Variants in GNPTAB observed in about 807,000 individuals in gnomAD.
The protein encoded by GNPTAB is N-acetylglucosamine-1-phosphate transferase subunits alpha and beta, also known as N-acetylglucosamine-1-phosphotransferase subunits alpha/beta.
A neutral mutation model predicts 136.6 loss-of-function variants in GNPTAB; 92 were observed. The ratio of observed to expected loss-of-function variants is 0.67; its 90% CI spans 0.57 to 0.80. GNPTAB has a LOEUF of 0.80. Among genes scored for constraint, GNPTAB ranks in the 30% least tolerant of loss-of-function variants. The pLI is 0.00. For missense variants in GNPTAB, 1,343 were observed against 1,501.8 expected (o/e 0.89, Z 1.75); for synonymous variants, 512 against 535.1 (o/e 0.96, Z 0.60).
At chr12:101,752,689 G>T (rs1010277223) in intron 19 of GNPTAB, among the ~76,000 whole-genome samples, 1 of 152,072 alleles carries the variant, frequency 6.6e-6, no homozygotes, top group Admixed American at 6.6e-5. Context: ...CTGCCTTCAG[G>T]ACTTAGTTTA....
intron 1 of GNPTAB, among the ~76,000 whole-genome samples, chr12:101,825,575 A>G (rs946123287): frequency 6.6e-6 from 1 of 152,212 alleles, no homozygotes; most frequent in Non-Finnish European, 1.5e-5. Context: ...ACAGCAGAGA[A>G]TAAGACAAGG....
chr12:101,803,992 G>A (rs1869793449), intron 1 of GNPTAB, among the ~76,000 whole-genome samples: 1 of 152,090 alleles, frequency 6.6e-6, no homozygotes, highest in Non-Finnish European at 1.5e-5. Flanking sequence ...AGTACTTTGG[G>A]AGGCCGAGGT....
intron 8 of GNPTAB, 108 bp from the exon 9 acceptor site, chr12:101,770,693 T>C (rs1953158350): frequency 1.2e-6 from 1 of 816,738 alleles, no homozygotes; most frequent in African/African-American, 1.7e-5. Flanking sequence ...TCTGGCAGAC[T>C]TTTAAAGATG....
intron 7 of GNPTAB, among the ~76,000 whole-genome samples, chr12:101,775,145 A>G (rs1031408156): frequency 2.6e-5 from 4 of 152,214 alleles, no homozygotes; most frequent in Non-Finnish European, 4.4e-5. Flanking sequence ...GAACATGCAA[A>G]TCCAAAATAA....
At chr12:101,822,283 G>A (rs976858679) in intron 1 of GNPTAB, among the ~76,000 whole-genome samples, 5 of 152,160 alleles carry the variant, frequency 3.3e-5, no homozygotes, top group Admixed American at 1.3e-4. Context: ...TGAGGTGGCG[G>A]GAGCCTGTAG....
chr12:101,826,506 AT>A (rs11311603), intron 1 of GNPTAB, among the ~76,000 whole-genome samples: 84,006 of 142,014 alleles, frequency 0.59, 24,823 homozygotes, highest in East Asian at 0.85. Flanking sequence ...CTGATTTTTA[AT>A]TTTTTTTTTT....
chr12:101,765,663 T>A, intron 12 of GNPTAB: 1 of 356,140 alleles, frequency 2.8e-6, no homozygotes, highest in Non-Finnish European at 5.2e-6. Flanking sequence ...TATGGCATGG[T>A]TCTTAACAAT....
intron 2 of GNPTAB, among the ~76,000 whole-genome samples, chr12:101,791,156 C>T (rs570545701): frequency 5.4e-4 from 82 of 152,300 alleles, no homozygotes; most frequent in African/African-American, 1.8e-3. Context: ...AATAAAGAGT[C>T]AGGCAGGCTT....
chr12:101,758,037 A>ATTTTTTT (rs565284497), intron 16 of GNPTAB, among the ~76,000 whole-genome samples: 1 of 126,230 alleles, frequency 7.9e-6, no homozygotes, highest in African/African-American at 3.2e-5. Context: ...TCATAGTCTC[A>ATTTTTTT]TTTTTTTTTT....
At chr12:101,830,004 CAAAAAA>C (rs35884808) in intron 1 of GNPTAB, among the ~76,000 whole-genome samples, 21 of 106,140 alleles carry the variant, frequency 2.0e-4, no homozygotes, top group South Asian at 6.3e-4. Context: ...AACCTCCTAC[CAAAAAA>C]AAAAAAAAAA....
At chr12:101,764,090 G>T in intron 13 of GNPTAB, 112 bp downstream of exon 13, 1 of 1,373,868 alleles carries the variant, frequency 7.3e-7, no homozygotes, top group Non-Finnish European at 1.0e-6. Flanking sequence ...AAAGCATTTA[G>T]TTCCATGGCC....
chr12:101,771,185 GA>G, intron 7 of GNPTAB, 28 bp from the exon 8 acceptor site: 1 of 1,580,332 alleles, frequency 6.3e-7, no homozygotes, highest in Non-Finnish European at 8.7e-7. Flanking sequence ...GATTACACAT[GA>G]AAAGACTGAA....
chr12:101,761,287 T>C lies in GNPTAB; in HGVS notation c.2975A>G (p.Gln992Arg). Reference protein sequence around the residue: ...FHKVRHSEDMQFAFSYFYYLM... With the variant: ...FHKVRHSEDMRFAFSYFYYLM... ...ATAATAAAAATAAGAGAAGGCAAAC[T>C]GCATATCCTCAGAATGGCGCACTTT... Residue 992 changes from glutamine to arginine, a missense_variant, in exon 15 of 21, where the codon CAG (glutamine) becomes CGG (arginine). Physicochemically the swap from Gln to Arg is conservative, Grantham distance 43. Coordinates refer to ENST00000299314, the MANE Select transcript of GNPTAB (RefSeq NM_024312.5). 1.2e-6 allele frequency: 2 copies of C among 1,614,150 alleles called. No homozygotes were observed. The highest frequency in any genetic ancestry group is 1.7e-6 in the Non-Finnish European group (2 of 1,180,018).
At chr12:101,786,415 C>T (rs1868651478) in intron 4 of GNPTAB, among the ~76,000 whole-genome samples, 198 bp from the exon 5 acceptor site, 1 of 152,114 alleles carries the variant, frequency 6.6e-6, no homozygotes, top group African/African-American at 2.4e-5. Flanking sequence ...AACCCAACTC[C>T]AAAGATAGAG....
intron 15 of GNPTAB, 51 bp from the exon 16 acceptor site, chr12:101,760,194 T>A (rs1413177001): frequency 8.8e-7 from 1 of 1,134,002 alleles, no homozygotes; most frequent in Non-Finnish European, 1.3e-6. Context: ...AAGTAATGAC[T>A]GTGGTTTTAA....
intron 1 of GNPTAB, among the ~76,000 whole-genome samples, chr12:101,811,195 C>T (rs1012924969): frequency 1.3e-5 from 2 of 152,158 alleles, no homozygotes; most frequent in African/African-American, 4.8e-5. Flanking sequence ...GACTGGAAAT[C>T]TTTCTCCGTA....
chr12:101,750,979 T>C (rs1375018460), intron 19 of GNPTAB, among the ~76,000 whole-genome samples: 1 of 152,104 alleles, frequency 6.6e-6, no homozygotes, highest in Non-Finnish European at 1.5e-5. Context: ...CTGCCTCCAG[T>C]TCCCAGGCAA....
intron 1 of GNPTAB, among the ~76,000 whole-genome samples, chr12:101,806,898 G>A (rs1319753686): frequency 1.3e-5 from 2 of 152,000 alleles, no homozygotes; most frequent in African/African-American, 4.8e-5. Context: ...TTCAGAAAAT[G>A]GAAGCAGAGA....
chr12:101,811,012 A>G (rs1594254272), intron 1 of GNPTAB, among the ~76,000 whole-genome samples: 1 of 152,342 alleles, frequency 6.6e-6, no homozygotes, highest in South Asian at 2.1e-4. Context: ...GTTTGCGAGT[A>G]TCTAGAGGAT....
Sources: gnomAD v4.1 joint callset for allele counts (sites outside exome capture counted in the v4.1 genomes callset) on GRCh38, gnomAD v4.1.1 for gene constraint, MANE v1.5 for transcripts, NCBI Gene and HGNC (gene_info 2026-07-23, HGNC 2026-07-21) for gene names.